The following SLC60A1 variants were observed in gnomAD, a reference collection of about 807,000 sequenced individuals.
The protein encoded by SLC60A1 is solute carrier family 60 member 1.
the SLC60A1 span, chr1:205,597,632 G>A: frequency 1.4e-6 from 1 of 717,696 alleles, no homozygotes; most frequent in Non-Finnish European, 2.4e-6. Flanking sequence ...CTGGCCTCAA[G>A]AGATCCTCCC....
At chr1:205,583,849 G>A in the SLC60A1 span, 1 of 1,390,624 alleles carries the variant, frequency 7.2e-7, no homozygotes, top group Non-Finnish European at 9.6e-7. Context: ...CCTTAGAAAA[G>A]AGCTGTCTTC....
the SLC60A1 span, among the ~76,000 whole-genome samples, chr1:205,571,931 T>C: frequency 6.6e-6 from 1 of 151,996 alleles, no homozygotes; most frequent in Non-Finnish European, 1.5e-5. Flanking sequence ...GGATGACACA[T>C]GGGAGAGGAT....
the SLC60A1 span, among the ~76,000 whole-genome samples, chr1:205,571,034 G>C: frequency 6.6e-6 from 1 of 152,140 alleles, no homozygotes; most frequent in Non-Finnish European, 1.5e-5. Context: ...AGGCAGCAGA[G>C]AGAACCCTGC....
At chr1:205,585,337 C>T in the SLC60A1 span, among the ~76,000 whole-genome samples, 4 of 152,290 alleles carry the variant, frequency 2.6e-5, no homozygotes, top group Admixed American at 2.6e-4. The surrounding 1 kb of genome is among the most constrained non-coding windows in gnomAD (Gnocchi z 4.2). Context: ...GCTATATAAA[C>T]AGGGTACTTT....
the SLC60A1 span, chr1:205,597,763 C>T: frequency 1.9e-6 from 3 of 1,613,440 alleles, no homozygotes; most frequent in South Asian, 1.1e-5. Context: ...CCAAACCAAA[C>T]CTTCTCTTTT....
the SLC60A1 span, chr1:205,580,904 A>T: frequency 6.2e-7 from 1 of 1,613,672 alleles, no homozygotes; most frequent in Non-Finnish European, 8.5e-7. This position sits in a 1 kb window ranked among gnomAD's most constrained non-coding sequence, Gnocchi z 5.0. Context: ...TGCCTTCTGG[A>T]TCATGGCCCT....
At chr1:205,576,523 G>A in the SLC60A1 span, among the ~76,000 whole-genome samples, 5 of 152,228 alleles carry the variant, frequency 3.3e-5, no homozygotes, top group Admixed American at 2.6e-4. Flanking sequence ...AGTGGCCAAG[G>A]TGGGCCTAGA....
the SLC60A1 span, among the ~76,000 whole-genome samples, chr1:205,576,084 G>C: frequency 6.6e-5 from 10 of 152,208 alleles, no homozygotes; most frequent in Non-Finnish European, 1.2e-4. Flanking sequence ...GCTGCCCAGG[G>C]TGGAGAGTGA....
the SLC60A1 span, among the ~76,000 whole-genome samples, chr1:205,590,219 G>A: frequency 2.6e-5 from 4 of 152,168 alleles, no homozygotes; most frequent in Non-Finnish European, 5.9e-5. Flanking sequence ...ACGTGGAGCA[G>A]GGCACTGCGG....
chr1:205,594,352 A>G, the SLC60A1 span, among the ~76,000 whole-genome samples: 1 of 152,254 alleles, frequency 6.6e-6, no homozygotes, highest in East Asian at 1.9e-4. Context: ...AACACATGTT[A>G]GAGTTTAATA....
the SLC60A1 span, among the ~76,000 whole-genome samples, chr1:205,577,682 C>T: frequency 6.6e-6 from 1 of 152,202 alleles, no homozygotes; most frequent in Non-Finnish European, 1.5e-5. This position sits in a 1 kb window ranked among gnomAD's most constrained non-coding sequence, Gnocchi z 5.2. Flanking sequence ...TGCATTTGCA[C>T]CTTCTGAGTG....
the SLC60A1 span, among the ~76,000 whole-genome samples, chr1:205,573,899 G>A: frequency 2.0e-5 from 3 of 151,900 alleles, no homozygotes; most frequent in Admixed American, 6.6e-5. Flanking sequence ...GTTTCACCGT[G>A]TTGGCCAGGC....
At chr1:205,579,621 C>T in the SLC60A1 span, 1 of 1,037,812 alleles carries the variant, frequency 9.6e-7, no homozygotes, top group African/African-American at 1.6e-5. Context: ...GCAGCTTCTT[C>T]CTCAGCTCTC....
At chr1:205,602,471 A>G in the SLC60A1 span, 2 of 152,682 alleles carry the variant, frequency 1.3e-5, no homozygotes, top group African/African-American at 4.8e-5. Context: ...AATTCTGAAA[A>G]AAGTAAGTGA....
the SLC60A1 span, chr1:205,592,348 C>G: frequency 6.7e-7 from 1 of 1,487,344 alleles, no homozygotes; most frequent in Non-Finnish European, 9.0e-7. Context: ...CCGCCTCGCT[C>G]TGCCCTGTCT....
the SLC60A1 span, among the ~76,000 whole-genome samples, chr1:205,569,469 G>A: frequency 7.2e-6 from 1 of 139,038 alleles, no homozygotes; most frequent in Non-Finnish European, 1.5e-5. Flanking sequence ...CTTGGCCGAA[G>A]AGCTGCCTCC....
chr1:205,597,373 G>GTTTTTT, the SLC60A1 span, among the ~76,000 whole-genome samples: 7 of 37,242 alleles, frequency 1.9e-4, no homozygotes, highest in East Asian at 1.8e-3. Context: ...AACCTAGGTT[G>GTTTTTT]TTTTTTTTTT....
the SLC60A1 span, chr1:205,586,318 G>T: frequency 7.7e-7 from 1 of 1,292,330 alleles, no homozygotes; most frequent in East Asian, 2.3e-5. Context: ...AGCAGGATGG[G>T]AACTCAGGAG....
At chr1:205,596,420 G>T in the SLC60A1 span, among the ~76,000 whole-genome samples, 1 of 151,822 alleles carries the variant, frequency 6.6e-6, no homozygotes, top group Non-Finnish European at 1.5e-5. Flanking sequence ...CCAACATGGT[G>T]GAACCCCATC....
Sources: allele counts gnomAD v4.1 joint callset (sites outside exome capture counted in the v4.1 genomes callset), GRCh38; gene constraint gnomAD v4.1.1; non-coding constraint Gnocchi (gnomAD v3.1); transcripts MANE v1.5; gene names NCBI Gene and HGNC (gene_info 2026-07-23, HGNC 2026-07-21).